PDE4DIP: variants seen among roughly 807,000 people sequenced by gnomAD.
The protein encoded by PDE4DIP is myomegalin.
In PDE4DIP, 59 loss-of-function variants were observed where a neutral mutation model predicts 221.4. The observed-to-expected ratio is 0.27, with a 90% CI of 0.22 to 0.33. The LOEUF (loss-of-function observed/expected upper bound fraction) is 0.33, where lower values mean the gene tolerates loss of function less well. Ranked by LOEUF, PDE4DIP falls within the 10% of genes least tolerant of loss-of-function variation. The probability of loss-of-function intolerance (pLI) is 1.00; values close to 1 mark genes in which losing one functional copy is unlikely to be tolerated. For missense variants in PDE4DIP, 1,036 were observed against 2,154.2 expected (o/e 0.48, Z 10.28); for synonymous variants, 404 against 815.9 (o/e 0.50, Z 8.60).
At chr1:148,929,907 G>A (rs2047481608) in intron 2 of PDE4DIP, 1 of 152,888 alleles carries the variant, frequency 6.5e-6, no homozygotes, top group South Asian at 2.1e-4. Context: ...TTACTACACT[G>A]TGGACTATTA....
chr1:148,963,807 A>AGTG (rs2057550505), intron 9 of PDE4DIP, among the ~76,000 whole-genome samples: 1 of 110,550 alleles, frequency 9.0e-6, no homozygotes, highest in Non-Finnish European at 1.7e-5. Context: ...AGGCTGGAGT[A>AGTG]CAGTGGCGCG....
intron 1 of PDE4DIP, among the ~76,000 whole-genome samples, chr1:148,827,701 T>G (rs797043462): frequency 8.7e-6 from 1 of 115,118 alleles, no homozygotes; most frequent in South Asian, 3.4e-4. Flanking sequence ...GTCTGTGTGC[T>G]TGTGTGTGTG....
chr1:148,932,683 A>ATCC lies in PDE4DIP; in HGVS notation c.518+396_518+397insCCT, dbSNP rs1437213856. ...GAAGAGCATGGGGTGCTCTGGGGAA[A>ATCC]TATTGGAGGGTCATCCATTCCACAT... On this transcript the variant is annotated intron_variant, in intron 4 of 43. Coordinates refer to ENST00000369354, the Ensembl canonical transcript of PDE4DIP. 3 of 362,088 alleles carry ATCC rather than the reference A, an allele frequency of 8.3e-6. No homozygotes were observed. In the East Asian group the frequency reaches 1.7e-4, roughly 20 times the overall value. The allele number at this position is 362,088 out of a possible 1,614,324, so 22.4% of individuals were successfully genotyped here. A position where few individuals can be genotyped will look rare whatever the true frequency, so the allele number is the denominator to read the frequency against.
intron 19 of PDE4DIP, among the ~76,000 whole-genome samples, chr1:148,978,778 C>T (rs1251944905): frequency 6.6e-6 from 1 of 152,104 alleles, no homozygotes; most frequent in Admixed American, 6.5e-5. Flanking sequence ...TGAAATAAAC[C>T]ATGGTAAAGC....
At chr1:148,948,946 G>A (rs587675934) in intron 5 of PDE4DIP, among the ~76,000 whole-genome samples, 2 of 152,224 alleles carry the variant, frequency 1.3e-5, no homozygotes, top group East Asian at 1.9e-4. Context: ...AGGGTAGTAC[G>A]GCTGTAGACC....
intron 1 of PDE4DIP, among the ~76,000 whole-genome samples, chr1:148,924,385 A>T (rs1452680337): frequency 6.6e-6 from 1 of 152,210 alleles, no homozygotes; most frequent in African/African-American, 2.4e-5. Flanking sequence ...CTCTATTATC[A>T]GGCCAGTTGT....
intron 1 of PDE4DIP, among the ~76,000 whole-genome samples, chr1:148,820,830 ATTATTTATTTAT>A (rs56760360): frequency 2.6e-4 from 29 of 112,350 alleles, no homozygotes; most frequent in East Asian, 5.7e-4. Context: ...GGATGATCTG[ATTATTTATTTAT>A]TTATTTATTT....
At chr1:148,838,814 G>A (rs587637171) in intron 1 of PDE4DIP, among the ~76,000 whole-genome samples, 162 of 26,260 alleles carry the variant, frequency 6.2e-3, no homozygotes, top group African/African-American at 0.019. Context: ...AAAACTTTCT[G>A]CCACTACATA....
chr1:149,024,311 A>T lies in PDE4DIP; in HGVS notation c.6086-134A>T. ...CCAGGCCACACACAGAAATGGTGAC[A>T]TCTCCATCACAGATGGGTTGCATGA... On this transcript the variant is annotated intron_variant, in intron 37 of 43. Transcript: ENST00000369354. 8 of 804,868 alleles carry T rather than the reference A, an allele frequency of 9.9e-6. No individual in the cohort carries two copies. In the South Asian group the frequency reaches 1.4e-4, roughly 14 times the overall value. 49.9% of individuals were successfully genotyped at this position (804,868 alleles called of 1,614,324 possible).
At chr1:148,824,228 A>G (rs1306182463) in intron 1 of PDE4DIP, among the ~76,000 whole-genome samples, 1 of 145,650 alleles carries the variant, frequency 6.9e-6, no homozygotes, top group Admixed American at 6.8e-5. Flanking sequence ...GGCTGCTGTC[A>G]TCTCAAGACT....
At chr1:149,018,228 A>T in intron 34 of PDE4DIP, 2 of 406,970 alleles carry the variant, frequency 4.9e-6, no homozygotes, top group Non-Finnish European at 8.9e-6. Flanking sequence ...CTTTCTCCTT[A>T]CACTCTCCTT....
At chr1:149,020,686 G>A (rs1425127109) in intron 36 of PDE4DIP, 5 of 365,776 alleles carry the variant, frequency 1.4e-5, no homozygotes, top group Non-Finnish European at 2.5e-5. Context: ...TACTGGCTGT[G>A]ATGCTTGGTC....
Position 148,820,881 on chromosome 1 carries a change from C to T in PDE4DIP, c.233+12144C>T, listed in dbSNP as rs587652428. Among the ~76,000 whole-genome samples the T allele has an allele frequency of 5.5e-5, 8 of 144,340 alleles. No individual in the cohort carries two copies. The South Asian group carries it at 1.4e-3, about 25-fold the overall frequency. The allele number at this position is 144,340 out of a possible 152,430, so 94.7% of individuals were successfully genotyped here. On this transcript the variant is annotated intron_variant, in intron 1 of 45. Transcript: ENST00000524974. ...TATTTATTTATTTTTGAGGCGGAGT[C>T]TCGCTGTTGCCCAGGCTGGAGTGCA...
chr1:148,983,838 C>T (rs1221207064), intron 21 of PDE4DIP: 4 of 152,116 alleles, frequency 2.6e-5, no homozygotes, highest in African/African-American at 9.7e-5. Flanking sequence ...TTACTTAGGC[C>T]ATGCTTAATT....
chr1:148,984,633 TTCTC>T (rs1248957432), intron 21 of PDE4DIP: 2 of 152,120 alleles, frequency 1.3e-5, no homozygotes, highest in African/African-American at 4.8e-5. Context: ...CTGATTTCAG[TTCTC>T]TCTATGTTGA....
At chr1:148,986,351 ATTTCTGT>A (rs1364722133) in intron 21 of PDE4DIP, 2 of 152,186 alleles carry the variant, frequency 1.3e-5, no homozygotes, top group Non-Finnish European at 2.9e-5. Context: ...TGTGCTGTTA[ATTTCTGT>A]TAACATTTGT....
At chr1:148,973,643 A>C (rs1553534042) in intron 16 of PDE4DIP, among the ~76,000 whole-genome samples, 2 of 152,022 alleles carry the variant, frequency 1.3e-5, no homozygotes, top group Non-Finnish European at 2.9e-5. Flanking sequence ...CAGTTGCAGA[A>C]TACTATAATA....
chr1:149,032,638 C>A (rs2076991572), exon 44 of PDE4DIP: 1 of 232,436 alleles, frequency 4.3e-6, no homozygotes, highest in Non-Finnish European at 8.5e-6. Flanking sequence ...CATCCTATTT[C>A]TTTTCTTCTA....
In PDE4DIP at chr1:148,998,140, T is replaced by C. The variant is rs374036930; in HGVS notation, c.2905-3T>C. 10 of 969,340 alleles carry C rather than the reference T, an allele frequency of 1.0e-5. No individual in the cohort carries two copies. In the South Asian group the frequency reaches 1.3e-4, roughly 12 times the overall value. 60.0% of individuals were successfully genotyped at this position (969,340 alleles called of 1,614,324 possible). A position where few individuals can be genotyped will look rare whatever the true frequency, so the allele number is the denominator to read the frequency against. ...ACTTCTTCAAACCATGATTTTCTTTTAGCTTGTCAAGGTGGCTTTGGAGAA... is the reference window on the plus strand; with the variant it reads ...ACTTCTTCAAACCATGATTTTCTTTCAGCTTGTCAAGGTGGCTTTGGAGAA... On this transcript the variant is annotated splice_polypyrimidine_tract_variant and splice_region_variant and intron_variant, in intron 22 of 43. Coordinates refer to ENST00000369354, the Ensembl canonical transcript of PDE4DIP.
Sources: gnomAD v4.1 joint callset for allele counts (sites outside exome capture counted in the v4.1 genomes callset) on GRCh38, gnomAD v4.1.1 for gene constraint, MANE v1.5 for transcripts, NCBI Gene and HGNC (gene_info 2026-07-23, HGNC 2026-07-21) for gene names.